ANXA7: variants seen among roughly 807,000 people sequenced by gnomAD.
The protein encoded by ANXA7 is annexin VII.
ANXA7 carries 55 observed loss-of-function variants against 64.9 expected under a neutral mutation model. That is an observed-to-expected ratio of 0.85 (90% CI 0.68 to 1.06). The LOEUF (loss-of-function observed/expected upper bound fraction) is 1.06, where lower values mean the gene tolerates loss of function less well. Ranked by LOEUF, ANXA7 falls within the 50% of genes least tolerant of loss-of-function variation. The pLI, the probability that ANXA7 is intolerant of heterozygous loss-of-function variation, is 0.00. For synonymous variants in ANXA7, 200 were observed against 192.4 expected, an observed-to-expected ratio of 1.04 and a Z score of -0.33; for missense variants, 548 against 582.1, an observed-to-expected ratio of 0.94 and a Z score of 0.60.
At chr10:73,384,014 G>A (rs548437550) in intron 7 of ANXA7, among the ~76,000 whole-genome samples, 33 of 151,892 alleles carry the variant, frequency 2.2e-4, no homozygotes, top group African/African-American at 7.5e-4. Context: ...CCAGGTCCTC[G>A]GGAGGCTGAC....
At chr10:73,379,723 G>C (rs912185249) in intron 11 of ANXA7, 156 bp downstream of exon 11, 2 of 728,242 alleles carry the variant, frequency 2.7e-6, no homozygotes, top group East Asian at 2.5e-5. Flanking sequence ...ATCCAATAAA[G>C]AAAACAAACA....
At chr10:73,398,115 T>C (rs1489231772) in intron 3 of ANXA7, 66 bp downstream of exon 3, 1 of 1,499,820 alleles carries the variant, frequency 6.7e-7, no homozygotes, top group African/African-American at 1.4e-5. Flanking sequence ...ATGAAGAGGA[T>C]AAAGGGAGAA....
chr10:73,387,770 C>T lies in ANXA7; in HGVS notation c.552G>A (p.Gln184=), dbSNP rs753729073. ...GGTTGGCCACCACATCCACAATTGCCTGCTCATCTGTCCCTGGAAGAACCA... is the reference window on the plus strand; with the variant it reads ...GGTTGGCCACCACATCCACAATTGCTTGCTCATCTGTCCCTGGAAGAACCA... ...KAMKGFGTDE[Q]AIVDVVANRS... Residue 184 remains glutamine, a synonymous_variant, in exon 7 of 13, where the codon CAG becomes CAA. Transcript: ENST00000372921. The T allele has an allele frequency of 1.9e-5, 30 of 1,611,784 alleles. 1 individual carries two copies. In the East Asian group the frequency reaches 6.5e-4, roughly 35 times the overall value.
chr10:73,394,407 C>T lies in ANXA7; in HGVS notation c.435+2112G>A, dbSNP rs1436229517. On this transcript the variant is annotated intron_variant, in intron 5 of 12. Transcript: ENST00000372921. ...AATCATGCTGCTATAAAGACACATGCACACGTATGTTTATTGCAGCACTAT... is the reference window on the plus strand; with the variant it reads ...AATCATGCTGCTATAAAGACACATGTACACGTATGTTTATTGCAGCACTAT... Among the ~76,000 whole-genome samples the T allele has an allele frequency of 2.6e-5, 4 of 152,292 alleles. No homozygotes were observed. The East Asian group carries it at 7.7e-4, about 29-fold the overall frequency.
At chr10:73,388,274 T>G (rs749770061) in intron 6 of ANXA7, 38 bp downstream of exon 6, 2 of 1,474,996 alleles carry the variant, frequency 1.4e-6, no homozygotes, top group Non-Finnish European at 1.9e-6. Context: ...ACTGATTACT[T>G]TAACTTATTA....
chr10:73,377,836 T>C (rs896729322), intron 12 of ANXA7, among the ~76,000 whole-genome samples: 2 of 149,548 alleles, frequency 1.3e-5, no homozygotes, highest in African/African-American at 4.9e-5. Flanking sequence ...CGTGTGTGTG[T>C]GTGTGTGTGT....
rs2055247900 is a variant in ANXA7, at chr10:73,379,974, G to A, written c.1090-20C>T. On this transcript the variant is annotated intron_variant, in intron 10 of 12. Transcript: ENST00000372921. ...AGCCATCTGCAAACAAAATTAAAGG[G>A]TTAAATATTTTTGTATCTTACAGCA... 1 of 1,612,880 alleles carries A rather than the reference G, an allele frequency of 6.2e-7. No homozygotes were observed.
intron 1 of ANXA7, among the ~76,000 whole-genome samples, chr10:73,412,946 G>C (rs1258861532): frequency 1.3e-5 from 2 of 152,086 alleles, no homozygotes; most frequent in Non-Finnish European, 2.9e-5. Flanking sequence ...ATGAAGCCCA[G>C]GAACCCAAGA....
intron 5 of ANXA7, among the ~76,000 whole-genome samples, chr10:73,395,159 G>T (rs2055549858): frequency 6.6e-6 from 1 of 152,196 alleles, no homozygotes; most frequent in Non-Finnish European, 1.5e-5. Flanking sequence ...GAAGGCAGAA[G>T]ATATAGACTA....
chr10:73,377,569 C>CAAAAAAA, intron 12 of ANXA7: 1 of 29,620 alleles, frequency 3.4e-5, no homozygotes, highest in Non-Finnish European at 5.8e-5. Flanking sequence ...GACTCCATCT[C>CAAAAAAA]AAAAAAAAAA....
At chr10:73,411,747 A>T (rs1057031769) in intron 1 of ANXA7, among the ~76,000 whole-genome samples, 3 of 152,134 alleles carry the variant, frequency 2.0e-5, no homozygotes, top group African/African-American at 7.2e-5. Flanking sequence ...TTAAATTTTT[A>T]AAAAGGAGGG....
At chr10:73,390,968 G>C (rs548235357) in intron 5 of ANXA7, among the ~76,000 whole-genome samples, 1 of 150,864 alleles carries the variant, frequency 6.6e-6, no homozygotes, top group Non-Finnish European at 1.5e-5. Flanking sequence ...TCAAGAGATT[G>C]AGACCATCCT....
rs941260350 is a variant in ANXA7 at position 73,378,910 on chromosome 10, C to T, written c.1278+1G>A. 6.2e-6 allele frequency: 10 copies of T among 1,609,890 alleles called. No individual in the cohort carries two copies. The highest frequency in any genetic ancestry group is 1.1e-5 in the South Asian group (1 of 90,834). ...GACAAAAAGAGAGAGGCCTGCCTCA[C>T]CTCACTTCGAGTGACCACAATCCGG... On this transcript the variant is annotated splice_donor_variant, in intron 12 of 12. Transcript: ENST00000372921. LOFTEE classifies it high-confidence loss of function.
chr10:73,399,974 T>C (rs1388633998), intron 2 of ANXA7, among the ~76,000 whole-genome samples: 1 of 151,770 alleles, frequency 6.6e-6, no homozygotes, highest in Non-Finnish European at 1.5e-5. Context: ...AAATTCCGTC[T>C]CTACTAAAAA....
At chr10:73,391,168 CT>C (rs1359492718) in intron 5 of ANXA7, among the ~76,000 whole-genome samples, 2 of 127,524 alleles carry the variant, frequency 1.6e-5, no homozygotes, top group Non-Finnish European at 3.2e-5. Context: ...GACTCTGTCT[CT>C]TAAAAAAAAA....
Position 73,397,218 on chromosome 10 carries a change from G to T in ANXA7, c.316C>A (p.Pro106Thr), listed in dbSNP as rs1319241374. The part of the protein sequence containing the change: ...PPGGAGFSGY[P>T]QPPSQSYGGG... ...CCATAAGACTGTGAAGGTGGCTGTG[G>T]ATACCCAGAAAAGCCTGCTCCACCT... The change falls in exon 4 of 13, where the codon CCA (proline) becomes ACA (threonine). Residue 106 changes from proline (P) to threonine (T), a missense_variant. Pro to Thr is a conservative substitution (Grantham distance 38). Coordinates refer to ENST00000372921, the MANE Select transcript of ANXA7 (RefSeq NM_001156.5). 2 of 1,612,580 alleles carry T rather than the reference G, an allele frequency of 1.2e-6. No homozygotes were observed. The highest frequency in any genetic ancestry group is 1.7e-6 in the Non-Finnish European group (2 of 1,179,122).
At chr10:73,406,255 C>T (rs907198643) in intron 1 of ANXA7, among the ~76,000 whole-genome samples, 2 of 152,306 alleles carry the variant, frequency 1.3e-5, no homozygotes, top group African/African-American at 4.8e-5. Flanking sequence ...TGCGCCCGGC[C>T]AAAACCAGTG....
chr10:73,381,588 A>G (rs530978126), intron 9 of ANXA7: 5 of 152,314 alleles, frequency 3.3e-5, no homozygotes, highest in African/African-American at 1.2e-4. Flanking sequence ...GTACTCACAA[A>G]AAATTTCCCA....
intron 5 of ANXA7, among the ~76,000 whole-genome samples, chr10:73,393,889 C>A (rs537545660): frequency 6.6e-6 from 1 of 152,154 alleles, no homozygotes; most frequent in Non-Finnish European, 1.5e-5. Context: ...AGCTTCTGCA[C>A]GGCAAAAGAA....
Sources: allele counts gnomAD v4.1 joint callset (sites outside exome capture counted in the v4.1 genomes callset), GRCh38; gene constraint gnomAD v4.1.1; transcripts MANE v1.5; gene names NCBI Gene and HGNC (gene_info 2026-07-23, HGNC 2026-07-21).